The following ZFAT variants were observed in gnomAD, a reference collection of about 807,000 sequenced individuals.
The protein encoded by ZFAT is zinc finger and AT-hook domain containing.
Under a neutral mutation model 117.7 loss-of-function variants are expected in ZFAT, and 64 were observed. The observed-to-expected ratio is 0.54, with a 90% CI of 0.44 to 0.67. The LOEUF (loss-of-function observed/expected upper bound fraction) is 0.67, where lower values mean the gene tolerates loss of function less well. ZFAT is among the 30% of genes least tolerant of loss of function. ZFAT has a pLI of 0.00. For missense variants in ZFAT, 1,433 were observed against 1,584.5 expected (o/e 0.90, Z 1.62); for synonymous variants, 679 against 615.0 (o/e 1.10, Z -1.54).
At chr8:134,554,615 CAACTCTCCA>C (rs1405922672) in intron 11 of ZFAT, among the ~76,000 whole-genome samples, 1 of 152,124 alleles carries the variant, frequency 6.6e-6, no homozygotes, top group Non-Finnish European at 1.5e-5. Context: ...AGTGCACTGC[CAACTCTCCA>C]AAGAGTTCCC....
chr8:134,800,442 TACATTAATTACATTAA>T, the ZFAT span: 1 of 441,660 alleles, frequency 2.3e-6, no homozygotes, highest in South Asian at 1.7e-5. Context: ...AACCTTTAAT[TACATTAATTACATTAA>T]AAATTCAAGC....
chr8:134,569,011 C>T (rs1824681352), intron 10 of ZFAT, among the ~76,000 whole-genome samples: 1 of 152,094 alleles, frequency 6.6e-6, no homozygotes, highest in African/African-American at 2.4e-5. Context: ...ATGCGAATCT[C>T]CCAGAATCCC....
chr8:134,804,517 C>T, the ZFAT span, among the ~76,000 whole-genome samples: 1 of 152,126 alleles, frequency 6.6e-6, no homozygotes, highest in Non-Finnish European at 1.5e-5. Context: ...AGAACTTCCA[C>T]AGAATTTACA....
At chr8:134,648,274 A>G (rs1831015763) in intron 2 of ZFAT, among the ~76,000 whole-genome samples, 1 of 152,042 alleles carries the variant, frequency 6.6e-6, no homozygotes, top group East Asian at 1.9e-4. Context: ...AAAAAACAGA[A>G]GCAAGCTAAA....
intron 15 of ZFAT, among the ~76,000 whole-genome samples, chr8:134,501,533 C>A (rs537824952): frequency 2.0e-5 from 3 of 152,230 alleles, no homozygotes; most frequent in East Asian, 3.9e-4. Context: ...CAGAAAAAAA[C>A]CGTTACGGGA....
At chr8:134,803,267 C>T in the ZFAT span, among the ~76,000 whole-genome samples, 2 of 152,130 alleles carry the variant, frequency 1.3e-5, no homozygotes, top group Non-Finnish European at 1.5e-5. Context: ...AGCAGTATAT[C>T]AAAATTTTTC....
At chr8:134,822,124 C>A in the ZFAT span, among the ~76,000 whole-genome samples, 1 of 152,016 alleles carries the variant, frequency 6.6e-6, no homozygotes, top group South Asian at 2.1e-4. Flanking sequence ...AGGGGAAATG[C>A]AAAACCTATT....
intron 10 of ZFAT, among the ~76,000 whole-genome samples, chr8:134,579,403 G>GA (rs1429084548): frequency 6.6e-6 from 1 of 152,188 alleles, no homozygotes; most frequent in Non-Finnish European, 1.5e-5. Context: ...GCAGGCAAGA[G>GA]AAAATGGAGA....
At chr8:134,529,669 G>T (rs1821274115) in intron 12 of ZFAT, among the ~76,000 whole-genome samples, 1 of 152,198 alleles carries the variant, frequency 6.6e-6, no homozygotes, top group South Asian at 2.1e-4. Flanking sequence ...CAGGGTGAAA[G>T]GTACGTGGGA....
chr8:134,687,651 A>C (rs945978295), intron 1 of ZFAT, among the ~76,000 whole-genome samples: 1 of 152,060 alleles, frequency 6.6e-6, no homozygotes, highest in African/African-American at 2.4e-5. Context: ...TGGACACGAC[A>C]GCTCCCCATT....
chr8:134,580,062 GC>G (rs1825613934), intron 10 of ZFAT, among the ~76,000 whole-genome samples: 1 of 151,948 alleles, frequency 6.6e-6, no homozygotes, highest in Admixed American at 6.6e-5. Context: ...AGGCAGGGCA[GC>G]CAGGAGAGCA....
chr8:134,633,820 G>A (rs919225348), intron 3 of ZFAT, among the ~76,000 whole-genome samples: 2 of 152,206 alleles, frequency 1.3e-5, no homozygotes, highest in Admixed American at 1.3e-4. Context: ...CAAGTGAGGT[G>A]GATCACCTGA....
the ZFAT span, among the ~76,000 whole-genome samples, chr8:134,800,050 T>C: frequency 3.3e-5 from 5 of 152,166 alleles, no homozygotes; most frequent in East Asian, 1.9e-4. Flanking sequence ...GCAAATTCAC[T>C]TGTGGAGTCC....
chr8:134,830,828 C>A, the ZFAT span, among the ~76,000 whole-genome samples: 2 of 152,170 alleles, frequency 1.3e-5, no homozygotes, highest in Non-Finnish European at 2.9e-5. Flanking sequence ...TAAAGACATG[C>A]CACAGCTAGT....
Position 134,657,633 on chromosome 8 carries a change from C to T in ZFAT, c.124G>A (p.Val42Ile), listed in dbSNP as rs759662497. The change falls in exon 2 of 16, where the codon GTT (valine) becomes ATT (isoleucine). Residue 42 changes from valine to isoleucine, a missense_variant. Coordinates refer to ENST00000377838, the MANE Select transcript of ZFAT (RefSeq NM_020863.4). ...CTAAGGGGAATAATAATCTCATCAACATTAACCCCTTCTTCCATGTGCTTC... is the reference window on the plus strand; with the variant it reads ...CTAAGGGGAATAATAATCTCATCAATATTAACCCCTTCTTCCATGTGCTTC... ...SEKHMEEGVN[V>I]DEIIIPLRPL... The T allele has an allele frequency of 1.2e-6, 2 of 1,614,106 alleles. No individual in the cohort carries two copies. Among genetic ancestry groups the T allele is most frequent in the South Asian group, 2.2e-5 (2 of 91,080 alleles).
At chr8:134,519,940 T>A (rs1169956430) in intron 13 of ZFAT, among the ~76,000 whole-genome samples, 1 of 152,254 alleles carries the variant, frequency 6.6e-6, no homozygotes, top group African/African-American at 2.4e-5. Flanking sequence ...TGTTTCATAT[T>A]ATAATGGATG....
chr8:134,517,564 C>T (rs1820342048), intron 13 of ZFAT, among the ~76,000 whole-genome samples: 1 of 152,188 alleles, frequency 6.6e-6, no homozygotes, highest in South Asian at 2.1e-4. Context: ...ATGATCAAAA[C>T]AAGAAATTAA....
intron 3 of ZFAT, among the ~76,000 whole-genome samples, chr8:134,618,169 GCAGTGTGAAAACAGACTAATA>G (rs754346450): frequency 3.8e-4 from 58 of 152,230 alleles, no homozygotes; most frequent in Admixed American, 2.6e-3. Context: ...GTCTTTATCA[GCAGTGTGAAAACAGACTAATA>G]CAGTTACTAT....
chr8:134,568,417 G>A (rs1824633753), intron 10 of ZFAT, among the ~76,000 whole-genome samples: 1 of 152,228 alleles, frequency 6.6e-6, no homozygotes, highest in African/African-American at 2.4e-5. Context: ...CATGGCTCAT[G>A]TGCATACAGC....
Sources: allele counts gnomAD v4.1 joint callset (sites outside exome capture counted in the v4.1 genomes callset), GRCh38; gene constraint gnomAD v4.1.1; transcripts MANE v1.5; gene names NCBI Gene and HGNC (gene_info 2026-07-23, HGNC 2026-07-21).